LIMA1: variants seen among roughly 807,000 people sequenced by gnomAD.
LIMA1 encodes the protein LIM domain and actin binding 1.
LIMA1 carries 52 observed loss-of-function variants against 62.6 expected under a neutral mutation model. The observed-to-expected ratio is 0.83, with a 90% CI of 0.67 to 1.05. LIMA1 has a LOEUF of 1.05. LIMA1 is among the 50% of genes least tolerant of loss of function. The pLI is 0.00. For synonymous variants in LIMA1, 302 were observed against 317.8 expected (o/e 0.95, Z 0.53); for missense variants, 780 against 902.2 (o/e 0.86, Z 1.74).
At chr12:50,249,824 GC>G (rs1941903697) in intron 1 of LIMA1, 2 of 152,108 alleles carry the variant, frequency 1.3e-5, no homozygotes, top group Non-Finnish European at 2.9e-5. Context: ...CTAATTCACA[GC>G]TTACCAGAAG....
chr12:50,232,043 CT>C lies in LIMA1; in HGVS notation c.120-334del, dbSNP rs750844822. On this transcript the variant is annotated intron_variant, in intron 2 of 10. Coordinates refer to ENST00000341247, the MANE Select transcript of LIMA1 (RefSeq NM_016357.5). ...TCGGCCTCCCAAAGTGAGTGCCCAG[CT>C]TTTTTTTTTTTTTTTTTTTTTTTGA... Among the ~76,000 whole-genome samples the C allele has an allele frequency of 2.1e-3, 177 of 83,476 alleles. 1 individual carries two copies. The highest frequency in any genetic ancestry group is 8.9e-3 in the Middle Eastern group (1 of 112). The allele number at this position is 83,476 out of a possible 152,430, so 54.8% of individuals were successfully genotyped here.
intron 1 of LIMA1, among the ~76,000 whole-genome samples, chr12:50,275,898 C>A (rs1777546127): frequency 6.6e-6 from 1 of 152,070 alleles, no homozygotes; most frequent in South Asian, 2.1e-4. Context: ...GGCATTGTCT[C>A]CCCTTAAGTT....
In LIMA1 at chr12:50,178,300, G is replaced by A. The variant is rs549264800; in HGVS notation, c.1275-231C>T. 5.9e-5 allele frequency among the ~76,000 whole-genome samples: 9 copies of A among 152,110 alleles called. No individual in the cohort carries two copies. The South Asian group carries it at 1.2e-3, about 21-fold the overall frequency. Reference sequence around the variant, plus strand: ...AGTGGCTCATGCCTGTAATCCCAGCGCTTTGGGAGGCCAGGGTGAGAGGAT... The same window carrying A: ...AGTGGCTCATGCCTGTAATCCCAGCACTTTGGGAGGCCAGGGTGAGAGGAT... On this transcript the variant is annotated intron_variant, in intron 10 of 10. Transcript: ENST00000341247.
At chr12:50,248,148 TA>T (rs57583527) in intron 2 of LIMA1, among the ~76,000 whole-genome samples, 40,079 of 152,138 alleles carry the variant, frequency 0.26, 6,011 homozygotes, top group East Asian at 0.64. Context: ...TAATTTTAAT[TA>T]ACTTAAACTG....
At chr12:50,234,008 T>C (rs1289136174) in intron 2 of LIMA1, 2 of 416,272 alleles carry the variant, frequency 4.8e-6, no homozygotes, top group Non-Finnish European at 9.5e-6. Flanking sequence ...ACAGCTATAG[T>C]TGATGACATC....
intron 3 of LIMA1, 167 bp from the exon 4 acceptor site, chr12:50,222,652 G>C: frequency 1.3e-6 from 2 of 1,527,198 alleles, no homozygotes; most frequent in Non-Finnish European, 1.8e-6. Context: ...GCATCCACCC[G>C]GCAGAGGGAG....
intron 4 of LIMA1, among the ~76,000 whole-genome samples, chr12:50,208,731 G>A (rs1941199413): frequency 6.6e-6 from 1 of 151,680 alleles, no homozygotes; most frequent in African/African-American, 2.4e-5. Context: ...CTCCTTGCTG[G>A]GTTTGGTGGT....
intron 6 of LIMA1, chr12:50,201,248 A>C: frequency 9.7e-7 from 1 of 1,031,652 alleles, no homozygotes; most frequent in Non-Finnish European, 1.2e-6. Context: ...AGAAAAGACC[A>C]TTCTGGAGCA....
rs1555210866 is a variant in LIMA1, at chr12:50,263,851, T to TATATAGAG, written c.-23-15078_-23-15077insCTCTATAT. On this transcript the variant is annotated intron_variant, in intron 1 of 10. Coordinates refer to ENST00000341247, the MANE Select transcript of LIMA1 (RefSeq NM_016357.5). ...TAGAGAGAGTATATATATATATATA[T>TATATAGAG]AGAGAGTATATATATATATATATAT... Among the ~76,000 whole-genome samples, 25 of 127,888 alleles carry TATATAGAG rather than the reference T, an allele frequency of 2.0e-4. No homozygotes were observed. The South Asian group carries it at 3.8e-3, about 19-fold the overall frequency. The allele number at this position is 127,888 out of a possible 152,430, so 83.9% of individuals were successfully genotyped here.
intron 10 of LIMA1, among the ~76,000 whole-genome samples, chr12:50,179,922 T>C (rs539366696): frequency 1.9e-4 from 29 of 150,432 alleles, no homozygotes; most frequent in African/African-American, 6.8e-4. Flanking sequence ...CCCAGCACTT[T>C]GGGAGGCCGA....
chr12:50,238,589 T>G (rs1941729987), intron 2 of LIMA1, among the ~76,000 whole-genome samples: 1 of 152,040 alleles, frequency 6.6e-6, no homozygotes, highest in South Asian at 2.1e-4. Context: ...CCGGGTGCAG[T>G]GGCTCATGAC....
At position 50,247,672 on chromosome 12, in the gene LIMA1, G is replaced by A. The variant is rs7979931; in HGVS notation, c.119+961C>T. Among the ~76,000 whole-genome samples the A allele has an allele frequency of 8.0e-4, 119 of 148,210 alleles. 2 individuals are homozygous for A. Among genetic ancestry groups the A allele is most frequent in the African/African-American group, 2.7e-3 (106 of 39,772 alleles). On this transcript the variant is annotated intron_variant, in intron 2 of 10. Coordinates refer to ENST00000341247, the MANE Select transcript of LIMA1 (RefSeq NM_016357.5). ...AGAGTCTCGCTCTGTTGCCCAGGCT[G>A]TAGTGCAGTGGCACGATTTCAGCTT...
chr12:50,252,086 G>A (rs531472071), intron 1 of LIMA1, among the ~76,000 whole-genome samples: 2 of 152,254 alleles, frequency 1.3e-5, no homozygotes, highest in Admixed American at 6.5e-5. Flanking sequence ...GACAGAATGT[G>A]GTTAGAGGCT....
chr12:50,199,832 T>C (rs1286098016), intron 7 of LIMA1, among the ~76,000 whole-genome samples: 1 of 152,184 alleles, frequency 6.6e-6, no homozygotes, highest in African/African-American at 2.4e-5. Flanking sequence ...TTTATTTTAT[T>C]TTTGTAAATT....
intron 1 of LIMA1, among the ~76,000 whole-genome samples, chr12:50,259,691 C>T (rs895169748): frequency 6.6e-6 from 1 of 152,184 alleles, no homozygotes; most frequent in Non-Finnish European, 1.5e-5. Flanking sequence ...GACAAGTCTG[C>T]AGGCATGTTA....
intron 4 of LIMA1, among the ~76,000 whole-genome samples, chr12:50,220,725 A>G (rs1227777445): frequency 6.6e-6 from 1 of 152,214 alleles, no homozygotes; most frequent in Non-Finnish European, 1.5e-5. Flanking sequence ...TCCCATTTAA[A>G]TAAAACAAAT....
In LIMA1 at chr12:50,194,478, G is replaced by A. The variant is rs1940884042; in HGVS notation, c.1030+1352C>T. Among the ~76,000 whole-genome samples, 3 of 148,594 alleles carry A rather than the reference G, an allele frequency of 2.0e-5. No individual in the cohort carries two copies. The South Asian group carries it at 6.5e-4, about 32-fold the overall frequency. On this transcript the variant is annotated intron_variant, in intron 8 of 10. Coordinates refer to ENST00000341247, the MANE Select transcript of LIMA1 (RefSeq NM_016357.5). ...CGCCTGGCTAATTTTTGTATTTTTA[G>A]TAGAGCTTGGGGTTTCACCATATTG...
intron 1 of LIMA1, among the ~76,000 whole-genome samples, chr12:50,262,622 GTAAAA>G (rs10539278): frequency 0.27 from 38,995 of 143,216 alleles, 6,270 homozygotes; most frequent in East Asian, 0.58. Context: ...AAAAAATAAA[GTAAAA>G]TAAAATAAAA....
rs542531622 is a variant in LIMA1 at position 50,238,468 on chromosome 12, C to T, written c.120-6758G>A. ...ATTGCAGTGAGCCGAGATTGCGCCA[C>T]TGCACTCCAGCCCTGGCGACAAAGC... On this transcript the variant is annotated intron_variant, in intron 2 of 10. Coordinates refer to ENST00000341247, the MANE Select transcript of LIMA1 (RefSeq NM_016357.5). Among the ~76,000 whole-genome samples, 12 of 152,068 alleles carry T rather than the reference C, an allele frequency of 7.9e-5. No homozygotes were observed. In the South Asian group the frequency reaches 2.5e-3, roughly 32 times the overall value.
Sources: gnomAD v4.1 joint callset for allele counts (sites outside exome capture counted in the v4.1 genomes callset) on GRCh38, gnomAD v4.1.1 for gene constraint, MANE v1.5 for transcripts, NCBI Gene and HGNC (gene_info 2026-07-23, HGNC 2026-07-21) for gene names.